Variants in R3HCC1L observed in about 807,000 individuals in gnomAD.
R3HCC1L encodes the protein R3H domain and coiled-coil containing 1 like.
Under a neutral mutation model 59.9 loss-of-function variants are expected in R3HCC1L, and 51 were observed. The observed-to-expected ratio is 0.85, with a 90% CI of 0.68 to 1.07. The LOEUF (loss-of-function observed/expected upper bound fraction) is 1.07. Among genes scored for constraint, R3HCC1L ranks in the 50% least tolerant of loss-of-function variants. R3HCC1L has a pLI of 0.00. For synonymous variants in R3HCC1L, 322 were observed against 315.2 expected (o/e 1.02, Z -0.23); for missense variants, 965 against 933.0 (o/e 1.03, Z -0.45).
chr10:98,148,993 C>T (rs979100432), intron 1 of R3HCC1L, among the ~76,000 whole-genome samples: 33 of 152,196 alleles, frequency 2.2e-4, no homozygotes, highest in Middle Eastern at 3.4e-3. Flanking sequence ...GCCATCAGGT[C>T]CTGAGCTTTT....
chr10:98,242,766 T>A (rs1857675853), intron 9 of R3HCC1L, among the ~76,000 whole-genome samples: 1 of 152,242 alleles, frequency 6.6e-6, no homozygotes, highest in Non-Finnish European at 1.5e-5. Flanking sequence ...TTTTGATTGC[T>A]TTCATCCATT....
intron 5 of R3HCC1L, among the ~76,000 whole-genome samples, chr10:98,220,676 A>G (rs1379233774): frequency 1.2e-4 from 18 of 149,610 alleles, no homozygotes; most frequent in African/African-American, 3.4e-4. Flanking sequence ...ATGTTTTCCA[A>G]TTTCATCCAT....
chr10:98,218,246 T>TGATGAAG (rs1301589628), intron 5 of R3HCC1L, among the ~76,000 whole-genome samples: 9 of 152,184 alleles, frequency 5.9e-5, no homozygotes, highest in Non-Finnish European at 1.2e-4. Flanking sequence ...AAGTGCTTTT[T>TGATGAAG]CTGTATCTGT....
At chr10:98,182,313 C>G (rs1849721673) in intron 4 of R3HCC1L, among the ~76,000 whole-genome samples, 1 of 152,174 alleles carries the variant, frequency 6.6e-6, no homozygotes, top group Non-Finnish European at 1.5e-5. Flanking sequence ...GAGGTTCGCT[C>G]TGGACCCTGT....
intron 4 of R3HCC1L, among the ~76,000 whole-genome samples, chr10:98,188,322 G>T (rs921000297): frequency 2.6e-5 from 4 of 152,182 alleles, no homozygotes; most frequent in Non-Finnish European, 1.5e-5. Flanking sequence ...GCAGTAGAGA[G>T]CGCAGAATAC....
chr10:98,235,935 T>G (rs1178617022), intron 8 of R3HCC1L, 89 bp from the exon 9 acceptor site: 10 of 1,399,498 alleles, frequency 7.1e-6, no homozygotes, highest in Non-Finnish European at 9.8e-6. Flanking sequence ...TTAGTCTATT[T>G]TGTATGTTAA....
At chr10:98,231,403 G>A in intron 5 of R3HCC1L, 109 bp from the exon 6 acceptor site, 1 of 1,028,506 alleles carries the variant, frequency 9.7e-7, no homozygotes, top group East Asian at 2.6e-5. Context: ...CAAAGGTTGA[G>A]GAATGGGAAC....
At chr10:98,243,117 C>T (rs1857724609) in intron 9 of R3HCC1L, among the ~76,000 whole-genome samples, 2 of 152,174 alleles carry the variant, frequency 1.3e-5, no homozygotes, top group African/African-American at 4.8e-5. Context: ...CAGTCAAATA[C>T]AGTATAGGAA....
chr10:98,212,366 T>G (rs10883053), intron 5 of R3HCC1L, among the ~76,000 whole-genome samples: 40,064 of 152,154 alleles, frequency 0.26, 6,153 homozygotes, highest in South Asian at 0.42. Flanking sequence ...TGATAGCAGC[T>G]AGACATATGG....
intron 1 of R3HCC1L, among the ~76,000 whole-genome samples, chr10:98,152,935 G>A (rs1846392025): frequency 1.3e-5 from 2 of 148,290 alleles, no homozygotes; most frequent in Admixed American, 1.3e-4. Flanking sequence ...CGCCCTGTCC[G>A]GGAGAGAGGT....
At chr10:98,177,895 A>C (rs1393656536) in intron 4 of R3HCC1L, among the ~76,000 whole-genome samples, 1 of 151,954 alleles carries the variant, frequency 6.6e-6, no homozygotes, top group Non-Finnish European at 1.5e-5. Flanking sequence ...TTTTTCTTGT[A>C]AATTTGTTTA....
chr10:98,229,302 TC>T (rs1856066432), intron 5 of R3HCC1L, among the ~76,000 whole-genome samples: 1 of 152,196 alleles, frequency 6.6e-6, no homozygotes, highest in South Asian at 2.1e-4. Context: ...GTCCTTCACA[TC>T]CCTTGTAAGT....
At chr10:98,180,122 T>G (rs1849485735) in intron 4 of R3HCC1L, among the ~76,000 whole-genome samples, 1 of 152,194 alleles carries the variant, frequency 6.6e-6, no homozygotes, top group African/African-American at 2.4e-5. Context: ...TTGCTCTTGC[T>G]TCTCTAGTTC....
chr10:98,182,239 CCTTT>C (rs1849710717), intron 4 of R3HCC1L, among the ~76,000 whole-genome samples: 2 of 152,118 alleles, frequency 1.3e-5, no homozygotes, highest in African/African-American at 4.8e-5. Context: ...TGATGTTATT[CCTTT>C]CTATTTGTTA....
intron 1 of R3HCC1L, among the ~76,000 whole-genome samples, chr10:98,136,820 G>A (rs1844632169): frequency 6.6e-6 from 1 of 152,176 alleles, no homozygotes; most frequent in Non-Finnish European, 1.5e-5. Flanking sequence ...CTGGCCGATA[G>A]ATTGAGACTC....
intron 1 of R3HCC1L, among the ~76,000 whole-genome samples, chr10:98,136,564 G>A (rs533206246): frequency 9.9e-4 from 151 of 152,176 alleles, no homozygotes; most frequent in Non-Finnish European, 1.6e-3. Context: ...GTCCAGACGC[G>A]GTGCCTCACG....
chr10:98,223,035 T>A (rs1468582639), intron 5 of R3HCC1L, among the ~76,000 whole-genome samples: 2 of 151,690 alleles, frequency 1.3e-5, no homozygotes, highest in Non-Finnish European at 3.0e-5. Flanking sequence ...TCTGAAATTG[T>A]GGCAATAATC....
At chr10:98,240,805 T>TTC (rs1857450503) in intron 9 of R3HCC1L, among the ~76,000 whole-genome samples, 1 of 151,772 alleles carries the variant, frequency 6.6e-6, no homozygotes, top group Non-Finnish European at 1.5e-5. Flanking sequence ...ACATTTTTTT[T>TTC]TTTTTTTCAT....
At chr10:98,200,822 C>T (rs1279284468) in intron 4 of R3HCC1L, among the ~76,000 whole-genome samples, 6 of 152,132 alleles carry the variant, frequency 3.9e-5, no homozygotes. Context: ...AGACCTTTAA[C>T]ATTAAAGAAA....
Sources: allele counts gnomAD v4.1 joint callset (sites outside exome capture counted in the v4.1 genomes callset), GRCh38; gene constraint gnomAD v4.1.1; transcripts MANE v1.5; gene names NCBI Gene and HGNC (gene_info 2026-07-23, HGNC 2026-07-21).